Variants in ZNF780B observed in about 807,000 individuals in gnomAD.
ZNF780B encodes zinc finger protein 779.
A neutral mutation model predicts 74.1 loss-of-function variants in ZNF780B; 52 were observed. The observed-to-expected ratio is 0.70, with a 90% CI of 0.56 to 0.88. The LOEUF (loss-of-function observed/expected upper bound fraction) is 0.88. Ranked by LOEUF, ZNF780B falls within the 40% of genes least tolerant of loss-of-function variation. ZNF780B has a pLI of 0.00. For missense variants in ZNF780B, 953 were observed against 1,007.6 expected (o/e 0.95, Z 0.73); for synonymous variants, 315 against 324.3 (o/e 0.97, Z 0.31).
intron 1 of ZNF780B, among the ~76,000 whole-genome samples, chr19:40,052,159 T>C (rs538745748): frequency 9.8e-5 from 15 of 152,302 alleles, no homozygotes; most frequent in African/African-American, 3.4e-4. Context: ...AATCTTTTGA[T>C]TCTAGACTAA....
chr19:40,049,984 T>G (rs902855114), intron 2 of ZNF780B, among the ~76,000 whole-genome samples: 4 of 151,686 alleles, frequency 2.6e-5, no homozygotes, highest in African/African-American at 9.7e-5. Context: ...GATCATGAGG[T>G]CAGGAGATCG....
In ZNF780B at chr19:40,035,440, A is replaced by G; in HGVS notation, c.1419T>C (p.Phe473=). 6.2e-7 allele frequency: 1 copy of G among 1,614,212 alleles called. No individual in the cohort carries two copies. The highest frequency in any genetic ancestry group is 8.5e-7 in the Non-Finnish European group (1 of 1,180,026). The change falls in exon 5 of 5, where the codon TTT becomes TTC. Residue 473 remains phenylalanine, a synonymous_variant. Transcript: ENST00000434248. The part of the protein sequence containing the change: ...HCQIHTGGKP[F]ECKECGKAFS... ...AGGCCTTTCCACATTCTTTACATTC[A>G]AAGGGTTTCCCACCAGTATGAATTT...
At chr19:40,038,874 T>C (rs1233469843) in intron 4 of ZNF780B, among the ~76,000 whole-genome samples, 1 of 150,404 alleles carries the variant, frequency 6.6e-6, no homozygotes, top group Non-Finnish European at 1.5e-5. Context: ...CTGTTCACTC[T>C]GATGGTAGTT....
At position 40,034,623 on chromosome 19, in the gene ZNF780B, T is replaced by A. The variant is rs770471548; in HGVS notation, c.2236A>T (p.Ile746Phe). The change falls in exon 5 of 5, where the codon ATT (isoleucine) becomes TTT (phenylalanine). Residue 746 changes from isoleucine to phenylalanine, a missense_variant. Transcript: ENST00000434248. ...TTAAATGGCTTCTCACCAGTATGAA[T>A]GATCTGATGTTGAGCAAGCTGTGTC... Reference protein sequence around the residue: ...LLTQLAQHQIIHTGEKPFKCK... With the variant: ...LLTQLAQHQIFHTGEKPFKCK... 3 of 1,613,634 alleles carry A rather than the reference T, an allele frequency of 1.9e-6. No individual in the cohort carries two copies. The highest frequency in any genetic ancestry group is 2.7e-5 in the African/African-American group (2 of 74,782).
In ZNF780B at chr19:40,043,865, A is replaced by G. The variant is rs111525644; in HGVS notation, c.232+3510T>C. On this transcript the variant is annotated intron_variant, in intron 4 of 4. Coordinates refer to ENST00000434248, the MANE Select transcript of ZNF780B (RefSeq NM_001005851.3). The stretch of plus-strand genomic sequence containing the variant: ...ACCCCTTGCACTTCCCGAGTGAGGC[A>G]ATGCCTCGCCCTGCTTTGGCTTGCA... Among the ~76,000 whole-genome samples, 736 of 152,330 alleles carry G rather than the reference A, an allele frequency of 4.8e-3. 9 individuals carry two copies. Among genetic ancestry groups the G allele is most frequent in the African/African-American group, 0.016 (682 of 41,574 alleles).
intron 4 of ZNF780B, among the ~76,000 whole-genome samples, 158 bp from the exon 5 acceptor site, chr19:40,036,784 G>A (rs1407311439): frequency 6.6e-6 from 1 of 152,142 alleles, no homozygotes; most frequent in Non-Finnish European, 1.5e-5. Context: ...GTAAGATGGT[G>A]GTGTGCATAA....
intron 4 of ZNF780B, 63 bp from the exon 5 acceptor site, chr19:40,036,689 C>T (rs1972341605): frequency 1.9e-6 from 2 of 1,041,326 alleles, no homozygotes; most frequent in East Asian, 2.6e-5. Context: ...ATACAAAATC[C>T]ATTAAACAAA....
At position 40,029,625 on chromosome 19, in the gene ZNF780B, T is replaced by G. The variant is rs926678672; in HGVS notation, c.*4732A>C. 1.3e-5 allele frequency: 2 copies of G among 152,908 alleles called. No homozygotes were observed. The highest frequency in any genetic ancestry group is 3.8e-4 in the East Asian group (2 of 5,198). The allele number at this position is 152,908 out of a possible 1,614,324, so 9.5% of individuals were successfully genotyped here. A position where few individuals can be genotyped will look rare whatever the true frequency, so the allele number is the denominator to read the frequency against. On this transcript the variant is annotated 3_prime_UTR_variant, in exon 5 of 5. Coordinates refer to ENST00000434248, the MANE Select transcript of ZNF780B (RefSeq NM_001005851.3). ...AAAGCAGCATCTTTTTTTCCATACC[T>G]GTAACTGCCATGTGCACTCACAGCA...
intron 4 of ZNF780B, among the ~76,000 whole-genome samples, chr19:40,040,019 C>A (rs1252806497): frequency 6.6e-6 from 1 of 152,006 alleles, no homozygotes; most frequent in Non-Finnish European, 1.5e-5. Flanking sequence ...CCAGTTTTTG[C>A]CCATTCAGTA....
Position 40,036,081 on chromosome 19 carries a change from G to A in ZNF780B, c.778C>T (p.Arg260Cys), listed in dbSNP as rs866042253. 1.4e-5 allele frequency: 22 copies of A among 1,613,016 alleles called. No individual in the cohort carries two copies. Among genetic ancestry groups the A allele is most frequent in the South Asian group, 9.9e-5 (9 of 90,920 alleles). ...ECKECGKSFN[R>C]SSNLTQHQSI... The stretch of plus-strand genomic sequence containing the variant: ...TGATGCTGAGTAAGGTTTGAGCTAC[G>A]ATTAAAAGACTTCCCACATTCCTTA... Residue 260 changes from arginine (R) to cysteine (C), a missense_variant, in exon 5 of 5, where the codon CGT becomes TGT. Physicochemically the swap from Arg to Cys is radical, Grantham distance 180. Transcript: ENST00000434248.
chr19:40,043,338 T>TCA, intron 4 of ZNF780B, among the ~76,000 whole-genome samples: 1 of 152,236 alleles, frequency 6.6e-6, no homozygotes, highest in Non-Finnish European at 1.5e-5. Context: ...TACTGGGGGT[T>TCA]GCCTCCCAGT....
Position 40,035,454 on chromosome 19 carries a change from C to T in ZNF780B, c.1405G>A (p.Gly469Ser), listed in dbSNP as rs1250482439. The T allele has an allele frequency of 1.2e-6, 2 of 1,614,038 alleles. No individual in the cohort carries two copies. Among genetic ancestry groups the T allele is most frequent in the African/African-American group, 2.7e-5 (2 of 74,912 alleles). The change falls in exon 5 of 5, where the codon GGT (glycine) becomes AGT (serine). Residue 469 changes from glycine to serine, a missense_variant. Physicochemically the swap from Gly to Ser is moderately conservative, Grantham distance 56. Coordinates refer to ENST00000434248, the MANE Select transcript of ZNF780B (RefSeq NM_001005851.3). Reference sequence around the variant, plus strand: ...TCTTTACATTCAAAGGGTTTCCCACCAGTATGAATTTGGCAATGTTGAATA... The same window carrying T: ...TCTTTACATTCAAAGGGTTTCCCACTAGTATGAATTTGGCAATGTTGAATA... ...QLIQHCQIHT[G>S]GKPFECKECG...
Position 40,035,727 on chromosome 19 carries a change from G to A in ZNF780B, c.1132C>T (p.Arg378Cys), listed in dbSNP as rs1303348670. 6.8e-6 allele frequency: 11 copies of A among 1,614,058 alleles called. No homozygotes were observed. Among genetic ancestry groups the A allele is most frequent in the Admixed American group, 1.7e-5 (1 of 60,000 alleles). The change falls in exon 5 of 5, where the codon CGC becomes TGC. Residue 378 changes from arginine (R) to cysteine (C), a missense_variant. Physicochemically the swap from Arg to Cys is radical, Grantham distance 180. Transcript: ENST00000434248. ...TCACCTGTGTGAATATTCTTATGGC[G>A]ATTAAGCTGATTGAGGAGACTAAAG... is the stretch of plus-strand genomic sequence containing the variant. ...KAFSLLNQLN[R>C]HKNIHTGEKP...
intron 3 of ZNF780B, 23 bp downstream of exon 3, chr19:40,048,647 A>C (rs755947885): frequency 6.2e-7 from 1 of 1,614,168 alleles, no homozygotes; most frequent in Non-Finnish European, 8.5e-7. Flanking sequence ...AGATACAAAA[A>C]TAACTGGGAC....
At position 40,028,338 on chromosome 19, in the gene ZNF780B, A is replaced by G. The variant is rs1971934616; in HGVS notation, c.*6019T>C. The G allele has an allele frequency of 6.6e-6, 1 of 152,178 alleles. No homozygotes were observed. The highest frequency in any genetic ancestry group is 2.1e-4 in the South Asian group (1 of 4,826). The allele number at this position is 152,178 out of a possible 1,614,324, so 9.4% of individuals were successfully genotyped here. A position where few individuals can be genotyped will look rare whatever the true frequency, so the allele number is the denominator to read the frequency against. On this transcript the variant is annotated 3_prime_UTR_variant, in exon 5 of 5. Transcript: ENST00000434248. ...CTACCATCCAGAAGTGGAACTACAT[A>G]TAGTCATTTAACAATAGTTTAGCAT...
chr19:40,045,574 T>C (rs1481297304), intron 4 of ZNF780B, among the ~76,000 whole-genome samples: 2 of 152,208 alleles, frequency 1.3e-5, no homozygotes, highest in East Asian at 3.8e-4. Flanking sequence ...TCAACCTAAG[T>C]GTCCCCCAAC....
At chr19:40,044,834 T>G (rs938701427) in intron 4 of ZNF780B, among the ~76,000 whole-genome samples, 1 of 152,110 alleles carries the variant, frequency 6.6e-6, no homozygotes, top group African/African-American at 2.4e-5. Context: ...ATGATAAGAA[T>G]CAGCCCTCAC....
At chr19:40,056,069 G>A (rs1973487076) in intron 1 of ZNF780B, 120 bp downstream of exon 1, 1 of 152,358 alleles carries the variant, frequency 6.6e-6, no homozygotes. Flanking sequence ...TGCGCCCCGG[G>A]TTCCTCCTCT....
intron 1 of ZNF780B, among the ~76,000 whole-genome samples, chr19:40,052,064 G>C (rs1467134985): frequency 3.9e-5 from 6 of 151,990 alleles, no homozygotes; most frequent in Non-Finnish European, 8.8e-5. Flanking sequence ...TATCACTTGA[G>C]TCTAGTATAA....
Sources: allele counts gnomAD v4.1 joint callset (sites outside exome capture counted in the v4.1 genomes callset), GRCh38; gene constraint gnomAD v4.1.1; transcripts MANE v1.5; gene names NCBI Gene and HGNC (gene_info 2026-07-23, HGNC 2026-07-21).